ERCC5: variants seen among roughly 807,000 people sequenced by gnomAD.
ERCC5 encodes DNA excision repair protein ERCC-5.
A neutral mutation model predicts 105.6 loss-of-function variants in ERCC5; 68 were observed. The ratio of observed to expected loss-of-function variants is 0.64; its 90% CI spans 0.53 to 0.79. The LOEUF is 0.79. ERCC5 is among the 30% of genes least tolerant of loss of function. ERCC5 has a pLI of 0.00. For synonymous variants in ERCC5, 546 were observed against 526.2 expected (o/e 1.04, Z -0.51); for missense variants, 1,373 against 1,426.7 (o/e 0.96, Z 0.61).
intron 12 of ERCC5, among the ~76,000 whole-genome samples, chr13:102,871,486 T>C (rs1287509595): frequency 1.3e-5 from 2 of 152,202 alleles, no homozygotes; most frequent in Non-Finnish European, 2.9e-5. Context: ...TAATAGTTGT[T>C]AGTGTTATTT....
chr13:102,856,196 A>G, intron 5 of ERCC5, 84 bp downstream of exon 5: 1 of 1,421,098 alleles, frequency 7.0e-7, no homozygotes, highest in South Asian at 1.2e-5. Context: ...AGGTATATCA[A>G]ACTGTGAAAG....
In ERCC5 at chr13:102,863,021, T is replaced by C. The variant is rs770670803; in HGVS notation, c.1872T>C (p.Thr624=). The C allele has an allele frequency of 3.4e-5, 55 of 1,614,052 alleles. 1 individual carries two copies. The South Asian group carries it at 3.8e-4, about 11-fold the overall frequency. Residue 624 remains threonine, a synonymous_variant, in exon 8 of 15, where the codon ACT becomes ACC. Transcript: ENST00000652225. ...AAACCATCCAAGAACAGCAGACCAC[T>C]GAATCTGCAGGCCAGGATTTAATTT... ...FLETIQEQQT[T]ESAGQDLISI...
chr13:102,873,751 G>A (rs1257809803), intron 14 of ERCC5, among the ~76,000 whole-genome samples: 3 of 152,176 alleles, frequency 2.0e-5, no homozygotes, highest in Non-Finnish European at 4.4e-5. Context: ...TTGAAAGGTA[G>A]AAGTTCAGTC....
rs757247247 is a variant in ERCC5, at chr13:102,875,679, G to A, written c.3337G>A (p.Val1113Ile). The change falls in exon 15 of 15, where the codon GTA becomes ATA. Residue 1113 changes from valine to isoleucine, a missense_variant. Transcript: ENST00000652225. ...TGCTGAAAGTTCATCTTTAATGAAT[G>A]TACAAAGGAGAACAGCTGCGAAAGA... ...EDAESSSLMN[V>I]QRRTAAKEPK... 1 of 1,614,166 alleles carries A rather than the reference G, an allele frequency of 6.2e-7. No homozygotes were observed. Among genetic ancestry groups the A allele is most frequent in the Non-Finnish European group, 8.5e-7 (1 of 1,180,004 alleles).
intron 12 of ERCC5, among the ~76,000 whole-genome samples, chr13:102,868,776 G>A (rs1458171141): frequency 2.0e-5 from 3 of 152,220 alleles, no homozygotes; most frequent in African/African-American, 4.8e-5. Context: ...TGTGAATCCC[G>A]TGACGTGTTC....
Position 102,858,338 on chromosome 13 carries a change from C to T in ERCC5, c.592C>T (p.Pro198Ser). The T allele has an allele frequency of 6.2e-7, 1 of 1,614,084 alleles. No homozygotes were observed. Residue 198 changes from proline to serine, a missense_variant, in exon 6 of 15, where the codon CCT (proline) becomes TCT (serine). Coordinates refer to ENST00000652225, the MANE Select transcript of ERCC5 (RefSeq NM_000123.4). ...GTCTGAGGACTTCAGCAGCCTGCCCCCTGAAGTAAAGCATGAAATCTTGAC... is the reference window on the plus strand; with the variant it reads ...GTCTGAGGACTTCAGCAGCCTGCCCTCTGAAGTAAAGCATGAAATCTTGAC... Reference protein sequence around the residue: ...IESEDFSSLPPEVKHEILTDM... With the variant: ...IESEDFSSLPSEVKHEILTDM...
chr13:102,846,278 G>A lies in ERCC5; in HGVS notation c.12G>A (p.Gln4=). The A allele has an allele frequency of 6.2e-7, 1 of 1,613,640 alleles. No individual in the cohort carries two copies. The highest frequency in any genetic ancestry group is 8.5e-7 in the Non-Finnish European group (1 of 1,179,822). Residue 4 remains glutamine, a synonymous_variant, in exon 1 of 15, where the codon CAG becomes CAA. Transcript: ENST00000652225. ...GACGCAGCCGCCTCATGGGGGTCCA[G>A]GGGCTCTGGAAGCTGCTGGAGTGCT... The part of the protein sequence containing the change: MGV[Q]GLWKLLECSG...
chr13:102,854,022 G>C (rs1007672160), intron 3 of ERCC5, 150 bp downstream of exon 3: 301 of 803,822 alleles, frequency 3.7e-4, no homozygotes, highest in Non-Finnish European at 5.3e-4. Context: ...ATTTTGACCT[G>C]GTAATTTGGA....
chr13:102,866,506 G>C (rs1157807903), intron 10 of ERCC5, 125 bp downstream of exon 10: 1 of 1,600,494 alleles, frequency 6.2e-7, no homozygotes, highest in South Asian at 1.1e-5. Flanking sequence ...TTCCCTGGGG[G>C]TCACTGTGTG....
At chr13:102,868,077 T>A in intron 11 of ERCC5, 36 bp from the exon 12 acceptor site, 2 of 1,591,678 alleles carry the variant, frequency 1.3e-6, no homozygotes, top group African/African-American at 1.4e-5. Context: ...ATATAAGAAA[T>A]CTTGATAAAA....
intron 1 of ERCC5, 56 bp downstream of exon 1, chr13:102,846,410 C>A: frequency 1.3e-6 from 2 of 1,484,102 alleles, no homozygotes; most frequent in Non-Finnish European, 1.9e-6. Flanking sequence ...CTGGATTCCT[C>A]GCGGGGCTCT....
In ERCC5 at chr13:102,846,140, T is replaced by C; in HGVS notation, c.-127T>C. The C allele has an allele frequency of 1.4e-6, 1 of 730,586 alleles. No individual in the cohort carries two copies. The highest frequency in any genetic ancestry group is 2.3e-6 in the Non-Finnish European group (1 of 427,440). 45.3% of individuals were successfully genotyped at this position (730,586 alleles called of 1,614,324 possible). A position where few individuals can be genotyped will look rare whatever the true frequency, so the allele number is the denominator to read the frequency against. ...CACTGGAAAACCGTGGCTTCTGTAT[T>C]ATTTGCCATCTTTGTTGTGTAGGAG... is the stretch of plus-strand genomic sequence containing the variant. On this transcript the variant is annotated 5_prime_UTR_variant, in exon 1 of 15. Transcript: ENST00000652225.
chr13:102,850,337 G>A (rs1882159230), intron 1 of ERCC5, among the ~76,000 whole-genome samples: 1 of 152,136 alleles, frequency 6.6e-6, no homozygotes. Flanking sequence ...CGGAGAGAGG[G>A]AGAAACTGTT....
intron 12 of ERCC5, among the ~76,000 whole-genome samples, chr13:102,869,321 C>T (rs1351729579): frequency 6.6e-6 from 1 of 152,096 alleles, no homozygotes; most frequent in East Asian, 1.9e-4. Flanking sequence ...AGACATACGT[C>T]ATGGTAGGTA....
intron 1 of ERCC5, among the ~76,000 whole-genome samples, chr13:102,847,874 A>C (rs1882037702): frequency 6.6e-6 from 1 of 152,212 alleles, no homozygotes; most frequent in Non-Finnish European, 1.5e-5. Context: ...ACTAAAGAGG[A>C]CTGTGGCCAG....
intron 1 of ERCC5, among the ~76,000 whole-genome samples, chr13:102,851,435 C>T (rs922646935): frequency 2.0e-5 from 3 of 152,152 alleles, no homozygotes; most frequent in Non-Finnish European, 2.9e-5. Context: ...GCTGGGACTA[C>T]AGGTGCGCAC....
At chr13:102,853,400 G>T (rs1882278013) in intron 2 of ERCC5, among the ~76,000 whole-genome samples, 1 of 152,178 alleles carries the variant, frequency 6.6e-6, no homozygotes, top group South Asian at 2.1e-4. Flanking sequence ...AGCAATATTA[G>T]AAATTGTTTT....
intron 5 of ERCC5, among the ~76,000 whole-genome samples, chr13:102,858,029 C>T (rs547595865): frequency 3.9e-5 from 6 of 152,246 alleles, no homozygotes; most frequent in Admixed American, 3.3e-4. Context: ...TAGAACAGTG[C>T]CTGGTGCCTT....
rs1249675782 is a variant in ERCC5, at chr13:102,852,292, T to C, written c.263T>C (p.Leu88Ser). The C allele has an allele frequency of 6.2e-7, 1 of 1,613,966 alleles. No individual in the cohort carries two copies. The highest frequency in any genetic ancestry group is 8.5e-7 in the Non-Finnish European group (1 of 1,180,018). ...GDAPLLKKQT[L>S]VKRRQRKDLA... ...GCTCCACTATTGAAGAAACAGACTT[T>C]GGTAAGTGTCGTATAGTTTTTAGTA... The change falls in exon 2 of 15, where the codon TTG (leucine) becomes TCG (serine). Residue 88 changes from leucine (L) to serine (S), a missense_variant and splice_region_variant. This residue lies in a region of ERCC5 where 1,004 missense variants were observed against 1,059.7 expected (regional missense o/e 0.95). Coordinates refer to ENST00000652225, the MANE Select transcript of ERCC5 (RefSeq NM_000123.4).
Sources: allele counts gnomAD v4.1 joint callset (sites outside exome capture counted in the v4.1 genomes callset), GRCh38; gene constraint gnomAD v4.1.1; regional missense constraint gnomAD v4.1.1; transcripts MANE v1.5; gene names NCBI Gene and HGNC (gene_info 2026-07-23, HGNC 2026-07-21).